The following CNTNAP5 variants were observed in gnomAD, a reference collection of about 807,000 sequenced individuals.
CNTNAP5 encodes the protein contactin associated protein family member 5, also known as contactin-associated protein-like 5.
Under a neutral mutation model 150.2 loss-of-function variants are expected in CNTNAP5, and 72 were observed. The ratio of observed to expected loss-of-function variants is 0.48; its 90% confidence interval spans 0.40 to 0.58. The LOEUF (loss-of-function observed/expected upper bound fraction) is 0.58. CNTNAP5 is among the 20% of genes least tolerant of loss of function. The pLI is 0.00. For synonymous variants in CNTNAP5, 672 were observed against 619.8 expected (o/e 1.08, Z -1.25); for missense variants, 1,636 against 1,626.2 (o/e 1.01, Z -0.10).
rs1183817793 is a variant in CNTNAP5 at position 124,474,773 on chromosome 2, C to T, written c.953C>T (p.Pro318Leu). ...GGAGGAATTCCAGTACCAGGAAAACCTGGGACCTTTTTAAAGAAAAACTTC... is the reference window on the plus strand; with the variant it reads ...GGAGGAATTCCAGTACCAGGAAAACTTGGGACCTTTTTAAAGAAAAACTTC... ...SFGGIPVPGKPGTFLKKNFHG... is the reference protein window; with the variant it reads ...SFGGIPVPGKLGTFLKKNFHG... The change falls in exon 7 of 24, where the codon CCT becomes CTT. Residue 318 changes from proline (P) to leucine (L), a missense_variant. By Grantham distance (98) the Pro-to-Leu change is moderately conservative. Coordinates refer to ENST00000682447, the MANE Select transcript of CNTNAP5 (RefSeq NM_001367498.1). 1.3e-6 allele frequency: 2 copies of T among 1,597,782 alleles called. No homozygotes were observed. Among genetic ancestry groups the T allele is most frequent in the East Asian group, 2.3e-5 (1 of 44,292 alleles).
Position 124,609,809 on chromosome 2 carries a change from G to C in CNTNAP5, c.1765G>C (p.Glu589Gln), listed in dbSNP as rs746463002. The change falls in exon 12 of 24, where the codon GAG becomes CAG. Residue 589 changes from glutamate to glutamine, a missense_variant. Physicochemically the swap from Glu to Gln is conservative, Grantham distance 29. Transcript: ENST00000682447. ...TGATCHNSIYEQSCEVYRHQG... is the reference protein window; with the variant it reads ...TGATCHNSIYQQSCEVYRHQG... ...TGCCTTTGTCTTTCCAGCCATCTAC[G>C]AGCAATCCTGCGAGGTGTACAGGCA... The C allele has an allele frequency of 3.1e-6, 5 of 1,613,568 alleles. No individual in the cohort carries two copies. Among genetic ancestry groups the C allele is most frequent in the Non-Finnish European group, 8.5e-7 (1 of 1,179,638 alleles).
intron 12 of CNTNAP5, among the ~76,000 whole-genome samples, chr2:124,628,281 A>C (rs972464623): frequency 1.3e-5 from 2 of 152,192 alleles, no homozygotes; most frequent in Admixed American, 1.3e-4. Context: ...CCAAGGTTGA[A>C]ATGAAGCAAA....
intron 1 of CNTNAP5, among the ~76,000 whole-genome samples, chr2:124,219,923 C>T (rs937592828): frequency 1.3e-5 from 2 of 151,982 alleles, no homozygotes; most frequent in African/African-American, 4.8e-5. Flanking sequence ...TATTCTTCTT[C>T]AGTGAGGATC....
At chr2:124,377,627 G>A (rs1164879606) in intron 3 of CNTNAP5, among the ~76,000 whole-genome samples, 3 of 150,534 alleles carry the variant, frequency 2.0e-5, no homozygotes, top group African/African-American at 7.3e-5. Flanking sequence ...GTGAGCCAAG[G>A]TCTCGCCATT....
intron 21 of CNTNAP5, among the ~76,000 whole-genome samples, chr2:124,892,025 C>T (rs143533640): frequency 1.3e-5 from 2 of 152,048 alleles, no homozygotes; most frequent in African/African-American, 4.8e-5. Flanking sequence ...TCTAAGGCTA[C>T]AGTCTATGGA....
At chr2:124,111,021 G>A (rs1683285386) in intron 1 of CNTNAP5, among the ~76,000 whole-genome samples, 1 of 152,130 alleles carries the variant, frequency 6.6e-6, no homozygotes, top group Admixed American at 6.6e-5. Flanking sequence ...AAAAATGAGT[G>A]TATAATCAAA....
chr2:124,765,743 G>A (rs1681054020), intron 16 of CNTNAP5, among the ~76,000 whole-genome samples: 1 of 152,042 alleles, frequency 6.6e-6, no homozygotes, highest in African/African-American at 2.4e-5. Flanking sequence ...ATTACTTGAG[G>A]TCAGGAGTTC....
At chr2:124,291,438 G>C (rs542241951) in intron 3 of CNTNAP5, among the ~76,000 whole-genome samples, 107 of 151,820 alleles carry the variant, frequency 7.0e-4, no homozygotes, top group African/African-American at 2.4e-3. Flanking sequence ...CAGTCTGTAT[G>C]TAATTATTTT....
chr2:124,270,715 G>GTA, intron 3 of CNTNAP5, among the ~76,000 whole-genome samples: 1 of 152,304 alleles, frequency 6.6e-6, no homozygotes, highest in South Asian at 2.1e-4. Context: ...GTGTGTGTGT[G>GTA]TGTTTTAGGC....
At chr2:124,291,206 A>T (rs1314864181) in intron 3 of CNTNAP5, among the ~76,000 whole-genome samples, 3 of 152,124 alleles carry the variant, frequency 2.0e-5, no homozygotes, top group Non-Finnish European at 1.5e-5. Context: ...GGAGGCAGAG[A>T]TATCTCCACA....
intron 8 of CNTNAP5, among the ~76,000 whole-genome samples, chr2:124,512,158 G>T (rs879827028): frequency 1.2e-4 from 18 of 151,740 alleles, no homozygotes; most frequent in South Asian, 2.1e-4. Flanking sequence ...GTTGGTATAT[G>T]TGAACATCTC....
chr2:124,265,574 G>C (rs1687584699), intron 3 of CNTNAP5, among the ~76,000 whole-genome samples: 1 of 152,114 alleles, frequency 6.6e-6, no homozygotes, highest in Non-Finnish European at 1.5e-5. Flanking sequence ...TGAAAGCATG[G>C]GGGACTGAGG....
At position 124,662,011 on chromosome 2, in the gene CNTNAP5, C is replaced by G. The variant is rs1334841177; in HGVS notation, c.2077+14053C>G. On this transcript the variant is annotated intron_variant, in intron 13 of 23. Transcript: ENST00000682447. ...TGCTATCCCTCCCCTTGTCTCCCAC[C>G]CCCCGATAGGCCTCGGTGTGTGATC... is the stretch of plus-strand genomic sequence containing the variant. Among the ~76,000 whole-genome samples, 4 of 152,172 alleles carry G rather than the reference C, an allele frequency of 2.6e-5. No homozygotes were observed. In the East Asian group the frequency reaches 7.7e-4, roughly 29 times the overall value.
At chr2:124,770,157 G>A (rs527841922) in intron 16 of CNTNAP5, among the ~76,000 whole-genome samples, 1 of 152,248 alleles carries the variant, frequency 6.6e-6, no homozygotes, top group African/African-American at 2.4e-5. Flanking sequence ...ATTGCAGAAT[G>A]GCATTTAGTA....
intron 10 of CNTNAP5, among the ~76,000 whole-genome samples, chr2:124,559,602 A>G (rs958545998): frequency 6.6e-6 from 1 of 152,148 alleles, no homozygotes; most frequent in African/African-American, 2.4e-5. Flanking sequence ...CTTACACCTA[A>G]AAGAGTGAGT....
chr2:124,735,490 A>G (rs1680363780), intron 13 of CNTNAP5, among the ~76,000 whole-genome samples: 1 of 152,192 alleles, frequency 6.6e-6, no homozygotes, highest in African/African-American at 2.4e-5. Context: ...AGACTAATAC[A>G]GTTGGAAAGA....
At chr2:124,769,750 A>G (rs776735662) in intron 16 of CNTNAP5, among the ~76,000 whole-genome samples, 1 of 152,166 alleles carries the variant, frequency 6.6e-6, no homozygotes, top group Non-Finnish European at 1.5e-5. Context: ...CGCAGGAATA[A>G]TAATTTAAAA....
chr2:124,568,913 C>T (rs1373638936), intron 11 of CNTNAP5, among the ~76,000 whole-genome samples: 2 of 152,080 alleles, frequency 1.3e-5, no homozygotes, highest in African/African-American at 2.4e-5. Context: ...CCTGGCGTGG[C>T]GGCGGACGCC....
intron 8 of CNTNAP5, among the ~76,000 whole-genome samples, chr2:124,510,582 C>A (rs1025362314): frequency 5.4e-5 from 8 of 146,984 alleles, no homozygotes; most frequent in African/African-American, 2.0e-4. Flanking sequence ...GTCATACTTT[C>A]TTCAGACTCT....
Sources: allele counts gnomAD v4.1 joint callset (sites outside exome capture counted in the v4.1 genomes callset), GRCh38; gene constraint gnomAD v4.1.1; transcripts MANE v1.5; gene names NCBI Gene and HGNC (gene_info 2026-07-23, HGNC 2026-07-21).